Variants in TTC28 observed in about 807,000 individuals in gnomAD.
The protein encoded by TTC28 is tetratricopeptide repeat protein 28.
Under a neutral mutation model 198.0 loss-of-function variants are expected in TTC28, and 61 were observed. The ratio of observed to expected loss-of-function variants is 0.31; its 90% CI spans 0.25 to 0.38. The LOEUF is 0.38. TTC28 is among the 10% of genes least tolerant of loss of function. The pLI, the probability that TTC28 is intolerant of heterozygous loss-of-function variation, is 1.00. For synonymous variants in TTC28, 1,171 were observed against 1,297.8 expected (o/e 0.90, Z 2.10); for missense variants, 2,678 against 3,164.0 (o/e 0.85, Z 3.69).
chr22:28,455,150 A>G (rs2047839497), intron 2 of TTC28, among the ~76,000 whole-genome samples: 1 of 152,218 alleles, frequency 6.6e-6, no homozygotes, highest in African/African-American at 2.4e-5. Flanking sequence ...CATACCACCT[A>G]TAACATCTAA....
chr22:28,077,351 T>G (rs1941202820), intron 12 of TTC28, among the ~76,000 whole-genome samples: 1 of 152,200 alleles, frequency 6.6e-6, no homozygotes, highest in African/African-American at 2.4e-5. Flanking sequence ...AATGCAGTGG[T>G]GTGATCATAG....
chr22:28,364,851 C>T (rs984234415), intron 2 of TTC28, among the ~76,000 whole-genome samples: 1 of 152,178 alleles, frequency 6.6e-6, no homozygotes, highest in Admixed American at 6.5e-5. Context: ...GAGATAGAAA[C>T]TACTCCTGGT....
chr22:28,250,978 G>A (rs1930469130), intron 5 of TTC28, among the ~76,000 whole-genome samples: 3 of 152,196 alleles, frequency 2.0e-5, no homozygotes, highest in Non-Finnish European at 2.9e-5. Context: ...TAAAGTAGCC[G>A]AGAGTTATAT....
intron 2 of TTC28, among the ~76,000 whole-genome samples, chr22:28,362,924 A>C (rs971942362): frequency 1.3e-5 from 2 of 152,164 alleles, no homozygotes; most frequent in Non-Finnish European, 2.9e-5. Context: ...GCAGAACATA[A>C]AAGTTCGGAA....
intron 5 of TTC28, among the ~76,000 whole-genome samples, chr22:28,186,669 G>A (rs1407738651): frequency 1.3e-5 from 2 of 152,152 alleles, no homozygotes; most frequent in Non-Finnish European, 2.9e-5. Flanking sequence ...AATAGAGACT[G>A]CTGGAAATCA....
intron 2 of TTC28, among the ~76,000 whole-genome samples, chr22:28,581,543 T>A (rs1478744715): frequency 1.3e-5 from 2 of 152,230 alleles, no homozygotes; most frequent in Non-Finnish European, 2.9e-5. Flanking sequence ...GAGGTAATTA[T>A]CATGAGTAAA....
intron 2 of TTC28, among the ~76,000 whole-genome samples, chr22:28,445,861 TACACACAC>T (rs111302565): frequency 1.4e-5 from 2 of 146,762 alleles, no homozygotes; most frequent in African/African-American, 2.5e-5. Flanking sequence ...TACATATCTA[TACACACAC>T]ACACACACAC....
At chr22:28,093,076 G>A (rs1401692825) in intron 12 of TTC28, among the ~76,000 whole-genome samples, 1 of 152,180 alleles carries the variant, frequency 6.6e-6, no homozygotes, top group African/African-American at 2.4e-5. Context: ...CTATTTCAGT[G>A]TTAACTTCTG....
intron 2 of TTC28, among the ~76,000 whole-genome samples, chr22:28,357,143 C>A (rs2046089524): frequency 6.6e-6 from 1 of 151,984 alleles, no homozygotes; most frequent in Admixed American, 6.6e-5. Flanking sequence ...TTGCTCAAGG[C>A]ATGAAAGAGC....
chr22:28,248,697 A>G (rs1425220638), intron 5 of TTC28, among the ~76,000 whole-genome samples: 1 of 152,154 alleles, frequency 6.6e-6, no homozygotes, highest in East Asian at 1.9e-4. Context: ...ATATCTTGTA[A>G]AACTATAGGG....
Position 28,176,212 on chromosome 22 carries a change from A to G in TTC28, c.934-12613T>C, listed in dbSNP as rs116988136. The stretch of plus-strand genomic sequence containing the variant: ...TAAAGAAAATGTGGTATACATATAC[A>G]ATGAAATATGATTCAATAATAAGAA... On this transcript the variant is annotated intron_variant, in intron 5 of 22. Coordinates refer to ENST00000397906, the MANE Select transcript of TTC28 (RefSeq NM_001145418.2). Among the ~76,000 whole-genome samples the G allele has an allele frequency of 2.3e-3, 357 of 152,338 alleles. 3 individuals are homozygous for G. The highest frequency in any genetic ancestry group is 9.3e-3 in the East Asian group (48 of 5,184).
In TTC28 at chr22:28,070,960, C is replaced by T. The variant is rs117837216; in HGVS notation, c.3932+23120G>A. ...TGCAAGCATCCATTGCTACTCGATT[C>T]AACTATGAGACAGGAGGTGAGGGAG... On this transcript the variant is annotated intron_variant, in intron 12 of 22. Coordinates refer to ENST00000397906, the MANE Select transcript of TTC28 (RefSeq NM_001145418.2). 6.6e-5 allele frequency among the ~76,000 whole-genome samples: 10 copies of T among 152,294 alleles called. No homozygotes were observed. The East Asian group carries it at 1.9e-3, about 29-fold the overall frequency.
At chr22:28,008,093 A>G (rs1168622986) in intron 14 of TTC28, 2 of 152,214 alleles carry the variant, frequency 1.3e-5, no homozygotes, top group African/African-American at 4.8e-5. Context: ...GGCTATACCC[A>G]AGCCTCCCAA....
At chr22:28,055,409 A>G (rs1354839280) in intron 12 of TTC28, among the ~76,000 whole-genome samples, 1 of 152,202 alleles carries the variant, frequency 6.6e-6, no homozygotes, top group African/African-American at 2.4e-5. Flanking sequence ...GGAATGGCTA[A>G]AAGTGCTAAA....
chr22:28,002,840 CG>C (rs1162503260), intron 14 of TTC28, among the ~76,000 whole-genome samples: 1 of 151,984 alleles, frequency 6.6e-6, no homozygotes, highest in African/African-American at 2.4e-5. Context: ...CCAAAATAAC[CG>C]GGTGTGGTGG....
intron 6 of TTC28, among the ~76,000 whole-genome samples, chr22:28,119,296 C>T (rs567842918): frequency 5.3e-5 from 8 of 152,192 alleles, no homozygotes; most frequent in Non-Finnish European, 8.8e-5. Flanking sequence ...TTATTCCAAA[C>T]AGCTTCAATT....
chr22:28,013,898 C>T (rs530143068), intron 14 of TTC28, among the ~76,000 whole-genome samples: 8 of 152,282 alleles, frequency 5.3e-5, no homozygotes, highest in Admixed American at 4.6e-4. Context: ...CTCCCTGAGC[C>T]GCACCATCAC....
At chr22:28,470,306 C>T (rs186473336) in intron 2 of TTC28, among the ~76,000 whole-genome samples, 5 of 152,276 alleles carry the variant, frequency 3.3e-5, no homozygotes, top group African/African-American at 1.2e-4. Flanking sequence ...CATTCTTTCA[C>T]GTTTTCATGC....
At chr22:28,660,466 C>CA (rs1028025879) in intron 1 of TTC28, among the ~76,000 whole-genome samples, 1 of 152,206 alleles carries the variant, frequency 6.6e-6, no homozygotes, top group Non-Finnish European at 1.5e-5. Flanking sequence ...GCTGGGACTG[C>CA]AGGCACACAC....
Sources: allele counts gnomAD v4.1 joint callset (sites outside exome capture counted in the v4.1 genomes callset), GRCh38; gene constraint gnomAD v4.1.1; transcripts MANE v1.5; gene names NCBI Gene and HGNC (gene_info 2026-07-23, HGNC 2026-07-21).